The following SSH2 variants were observed in gnomAD, a reference collection of about 807,000 sequenced individuals.
The protein encoded by SSH2 is slingshot protein phosphatase 2.
Under a neutral mutation model 135.2 loss-of-function variants are expected in SSH2, and 37 were observed. The ratio of observed to expected loss-of-function variants is 0.27; its 90% confidence interval spans 0.21 to 0.36. SSH2 has a LOEUF of 0.36. Among genes scored for constraint, SSH2 ranks in the 10% least tolerant of loss-of-function variants. SSH2 has a pLI of 1.00. For synonymous variants in SSH2, 628 were observed against 646.2 expected (o/e 0.97, Z 0.43); for missense variants, 1,408 against 1,765.3 (o/e 0.80, Z 3.63).
At chr17:29,792,216 A>C (rs940740246) in intron 3 of SSH2, among the ~76,000 whole-genome samples, 2 of 152,048 alleles carry the variant, frequency 1.3e-5, no homozygotes, top group Non-Finnish European at 2.9e-5. Flanking sequence ...ATAGTTCTTA[A>C]TGGCTTGACA....
intron 4 of SSH2, among the ~76,000 whole-genome samples, chr17:29,699,548 G>A (rs2038896627): frequency 1.3e-5 from 2 of 152,146 alleles, no homozygotes; most frequent in Non-Finnish European, 2.9e-5. Flanking sequence ...TTTCTTTTTA[G>A]TATGAGGAAA....
At chr17:29,785,864 G>T (rs1257982890) in intron 3 of SSH2, among the ~76,000 whole-genome samples, 2 of 148,412 alleles carry the variant, frequency 1.3e-5, no homozygotes, top group African/African-American at 2.5e-5. Context: ...GAGTGCAGTG[G>T]CGCGATCTCG....
intron 3 of SSH2, among the ~76,000 whole-genome samples, chr17:29,763,840 C>T (rs1225568433): frequency 2.0e-5 from 3 of 152,032 alleles, no homozygotes; most frequent in Admixed American, 6.6e-5. Flanking sequence ...GCTAAGGAGG[C>T]TATGTTAACG....
intron 7 of SSH2, 80 bp downstream of exon 7, chr17:29,677,593 T>C: frequency 1.6e-6 from 2 of 1,226,962 alleles, no homozygotes; most frequent in Non-Finnish European, 2.4e-6. Context: ...TGGGCCTCCC[T>C]TTTAGCTGAA....
chr17:29,717,515 C>G (rs1304263678), intron 3 of SSH2, among the ~76,000 whole-genome samples: 1 of 152,204 alleles, frequency 6.6e-6, no homozygotes, highest in Non-Finnish European at 1.5e-5. Flanking sequence ...CATCTAGCAA[C>G]AACTGGCCAG....
chr17:29,857,131 T>C (rs988817885), intron 1 of SSH2, among the ~76,000 whole-genome samples: 4 of 152,138 alleles, frequency 2.6e-5, no homozygotes, highest in African/African-American at 4.8e-5. Flanking sequence ...GGTACCAATT[T>C]ACTGTATTAG....
chr17:29,860,007 C>T (rs1254452734), intron 1 of SSH2, among the ~76,000 whole-genome samples: 1 of 152,062 alleles, frequency 6.6e-6, no homozygotes, highest in Non-Finnish European at 1.5e-5. Context: ...CCACCAAGCC[C>T]AGCTAATTTT....
intron 6 of SSH2, among the ~76,000 whole-genome samples, chr17:29,683,145 A>G (rs1271364393): frequency 6.6e-6 from 1 of 152,130 alleles, no homozygotes; most frequent in Admixed American, 6.6e-5. Context: ...TCACACCCCT[A>G]GCTACCCCAT....
At chr17:29,927,328 C>G (rs912049208) in intron 1 of SSH2, among the ~76,000 whole-genome samples, 7 of 152,112 alleles carry the variant, frequency 4.6e-5, no homozygotes, top group Non-Finnish European at 1.0e-4. Flanking sequence ...CCCAGCCCCC[C>G]AGATTGCAAG....
At chr17:29,900,043 AT>A (rs1443142546) in intron 1 of SSH2, among the ~76,000 whole-genome samples, 1 of 152,222 alleles carries the variant, frequency 6.6e-6, no homozygotes, top group East Asian at 1.9e-4. Flanking sequence ...AGGATTCCCT[AT>A]TTAATAAATG....
At chr17:29,753,794 A>G (rs1346956376) in intron 3 of SSH2, among the ~76,000 whole-genome samples, 1 of 26,968 alleles carries the variant, frequency 3.7e-5, no homozygotes, top group African/African-American at 1.2e-3. Context: ...CTCTGTCTGA[A>G]AAAAAAAAAA....
intron 1 of SSH2, among the ~76,000 whole-genome samples, chr17:29,926,094 C>T (rs2151491759): frequency 6.6e-6 from 1 of 152,268 alleles, no homozygotes; most frequent in African/African-American, 2.4e-5. Context: ...CAACCCCTCA[C>T]ATCTGTCTCT....
intron 3 of SSH2, among the ~76,000 whole-genome samples, chr17:29,786,643 G>C (rs1475489031): frequency 6.6e-6 from 1 of 151,924 alleles, no homozygotes; most frequent in African/African-American, 2.4e-5. Flanking sequence ...AAAAAATATT[G>C]CTGGAGTTCA....
intron 14 of SSH2, among the ~76,000 whole-genome samples, chr17:29,639,956 C>CA (rs1257877010): frequency 1.3e-5 from 2 of 152,184 alleles, no homozygotes; most frequent in African/African-American, 4.8e-5. Flanking sequence ...CATAGTAGGA[C>CA]AATGCCTGGG....
chr17:29,911,219 A>C (rs1008226375), intron 1 of SSH2, among the ~76,000 whole-genome samples: 12 of 152,216 alleles, frequency 7.9e-5, no homozygotes, highest in African/African-American at 2.9e-4. Flanking sequence ...AGTGCACATG[A>C]TCTTACCTGC....
chr17:29,837,102 C>T (rs1046322193), intron 2 of SSH2, among the ~76,000 whole-genome samples: 9 of 152,004 alleles, frequency 5.9e-5, no homozygotes, highest in Non-Finnish European at 1.3e-4. Flanking sequence ...ACTAAAAATA[C>T]AAAAATTAGC....
chr17:29,663,417 A>G (rs1049683171), intron 11 of SSH2, among the ~76,000 whole-genome samples: 1 of 152,242 alleles, frequency 6.6e-6, no homozygotes, highest in African/African-American at 2.4e-5. Context: ...TGGAGAAGAG[A>G]TAGGGAGTTG....
chr17:29,677,604 T>A, intron 7 of SSH2, 69 bp downstream of exon 7: 5 of 1,306,860 alleles, frequency 3.8e-6, no homozygotes, highest in South Asian at 3.5e-5. Context: ...TTTAGCTGAA[T>A]GAATGTGCAG....
intron 13 of SSH2, 25 bp from the exon 14 acceptor site, chr17:29,648,369 A>T: frequency 1.9e-6 from 3 of 1,560,166 alleles, no homozygotes; most frequent in East Asian, 4.5e-5. Flanking sequence ...TGAGGTAAAG[A>T]ATAGAGGAAA....
Sources: gnomAD v4.1 joint callset for allele counts (sites outside exome capture counted in the v4.1 genomes callset) on GRCh38, gnomAD v4.1.1 for gene constraint, MANE v1.5 for transcripts, NCBI Gene and HGNC (gene_info 2026-07-23, HGNC 2026-07-21) for gene names.